The following ATP2A3 variants were observed in gnomAD, a reference collection of about 807,000 sequenced individuals.
ATP2A3 encodes the protein sarcoplasmic/endoplasmic reticulum calcium ATPase 3.
In ATP2A3, 61 loss-of-function variants were observed where a neutral mutation model predicts 106.8. The ratio of observed to expected loss-of-function variants is 0.57; its 90% CI spans 0.46 to 0.71. ATP2A3 has a LOEUF of 0.71. Among genes scored for constraint, ATP2A3 ranks in the 30% least tolerant of loss-of-function variants. The probability of loss-of-function intolerance (pLI) is 0.00; values close to 1 mark genes in which losing one functional copy is unlikely to be tolerated. For missense variants in ATP2A3, 1,201 were observed against 1,423.5 expected (o/e 0.84, Z 2.52); for synonymous variants, 611 against 609.3 (o/e 1.00, Z -0.04).
intron 1 of ATP2A3, among the ~76,000 whole-genome samples, chr17:3,957,053 C>T (rs1039324919): frequency 5.3e-5 from 8 of 152,192 alleles, no homozygotes; most frequent in South Asian, 2.1e-4. Context: ...GGTGCCTTAC[C>T]GCATTATCAC....
In ATP2A3 at chr17:3,941,187, G is replaced by A. The variant is rs1266052855; in HGVS notation, c.1884C>T (p.Asn628=). The change falls in exon 14 of 21, where the codon AAC becomes AAT. Residue 628 remains asparagine, a synonymous_variant. Transcript: ENST00000397041. ...GGCAGATGGCCACGGCAGTGCCTTTGTTATCCCCCGTGATCATGACCACGC... is the reference window on the plus strand; with the variant it reads ...GGCAGATGGCCACGGCAGTGCCTTTATTATCCCCCGTGATCATGACCACGC... ...GIRVVMITGD[N]KGTAVAICRR... The A allele has an allele frequency of 6.2e-7, 1 of 1,614,156 alleles. No individual in the cohort carries two copies. The highest frequency in any genetic ancestry group is 1.7e-5 in the Admixed American group (1 of 60,028).
rs545488899 is a variant in ATP2A3 at position 3,935,101 on chromosome 17, G to C, written c.2610+91C>G. ...ATAGCGAGTGGGGAAGGACACTGCA[G>C]GCCACCCATGCGGCTCTAGACCCAT... On this transcript the variant is annotated intron_variant, in intron 17 of 20. Transcript: ENST00000397041. The C allele has an allele frequency of 1.0e-4, 139 of 1,336,534 alleles. No homozygotes were observed. In the African/African-American group the frequency reaches 1.8e-3, roughly 17 times the overall value. The allele number at this position is 1,336,534 out of a possible 1,614,324, so 82.8% of individuals were successfully genotyped here. A position where few individuals can be genotyped will look rare whatever the true frequency, so the allele number is the denominator to read the frequency against.
chr17:3,944,680 G>T, intron 10 of ATP2A3, 24 bp downstream of exon 10: 1 of 1,607,778 alleles, frequency 6.2e-7, no homozygotes, highest in Non-Finnish European at 8.5e-7. Flanking sequence ...TACTAGGGAG[G>T]TCATGAAAGG....
At position 3,929,451 on chromosome 17, in the gene ATP2A3, A is replaced by G; in HGVS notation, c.2745-6T>C. On this transcript the variant is annotated splice_polypyrimidine_tract_variant and splice_region_variant and intron_variant, in intron 18 of 20. Transcript: ENST00000397041. The surrounding 1 kb of genome is among the most constrained non-coding windows in gnomAD (Gnocchi z 4.3). The stretch of plus-strand genomic sequence containing the variant: ...GCGACTGGTTCTCCGAGACGCTGCC[A>G]GGGCACAGGGTGCTCCCCTTAGGCC... 1 of 1,587,594 alleles carries G rather than the reference A, an allele frequency of 6.3e-7. No individual in the cohort carries two copies. Among genetic ancestry groups the G allele is most frequent in the Middle Eastern group, 2.0e-4 (1 of 4,980 alleles).
intron 16 of ATP2A3, among the ~76,000 whole-genome samples, chr17:3,935,489 G>A (rs2053387075): frequency 6.6e-6 from 1 of 151,670 alleles, no homozygotes; most frequent in South Asian, 2.1e-4. Flanking sequence ...GCTTGGAGAT[G>A]AGCAGGTGAA....
chr17:3,940,224 A>G (rs1299998615), intron 14 of ATP2A3, among the ~76,000 whole-genome samples: 2 of 151,998 alleles, frequency 1.3e-5, no homozygotes, highest in African/African-American at 4.8e-5. Flanking sequence ...CTCATCAGAT[A>G]GTACGCCAAA....
chr17:3,950,840 G>A, intron 5 of ATP2A3, 67 bp from the exon 6 acceptor site: 2 of 1,512,244 alleles, frequency 1.3e-6, no homozygotes, highest in Non-Finnish European at 1.8e-6. Flanking sequence ...AGCCAGAAGG[G>A]TTCCCAGAAC....
Position 3,936,715 on chromosome 17 carries a change from G to A in ATP2A3, c.2322-246C>T, listed in dbSNP as rs1352770276. On this transcript the variant is annotated intron_variant, in intron 15 of 20. Coordinates refer to ENST00000397041, the MANE Select transcript of ATP2A3 (RefSeq NM_005173.4). This position sits in a 1 kb window ranked among gnomAD's most constrained non-coding sequence, Gnocchi z 5.4. Reference sequence around the variant, plus strand: ...TACCTGCTCTTTAGGCCTAGCAGAGGCCAAGTACACACACACACACACACA... The same window carrying A: ...TACCTGCTCTTTAGGCCTAGCAGAGACCAAGTACACACACACACACACACA... 1.6e-5 allele frequency: 8 copies of A among 505,408 alleles called. No homozygotes were observed. The highest frequency in any genetic ancestry group is 2.9e-5 in the Non-Finnish European group (8 of 279,358). The allele number at this position is 505,408 out of a possible 1,614,324, so 31.3% of individuals were successfully genotyped here. A position where few individuals can be genotyped will look rare whatever the true frequency, so the allele number is the denominator to read the frequency against.
intron 3 of ATP2A3, among the ~76,000 whole-genome samples, chr17:3,952,561 C>A (rs913556781): frequency 6.6e-6 from 1 of 152,036 alleles, no homozygotes; most frequent in African/African-American, 2.4e-5. Context: ...GGACAAGGTG[C>A]CCCCCAGGGG....
chr17:3,957,784 G>T (rs765832201), intron 1 of ATP2A3, among the ~76,000 whole-genome samples: 49 of 152,232 alleles, frequency 3.2e-4, no homozygotes, highest in Non-Finnish European at 6.5e-4. Flanking sequence ...TGGGCCTCTG[G>T]CAGTGCCAGA....
In ATP2A3 at chr17:3,955,942, C is replaced by T. The variant is rs557104201; in HGVS notation, c.119-2232G>A. ...TCTCGCCCAGGCTGGAGCGCAGTGG[C>T]GGGATCTTGGCTTACTGCAACCTCC... On this transcript the variant is annotated intron_variant, in intron 1 of 20. Coordinates refer to ENST00000397041, the MANE Select transcript of ATP2A3 (RefSeq NM_005173.4). The surrounding 1 kb of genome is among the most constrained non-coding windows in gnomAD (Gnocchi z 4.2). Among the ~76,000 whole-genome samples, 1 of 151,588 alleles carries T rather than the reference C, an allele frequency of 6.6e-6. No individual in the cohort carries two copies. Among genetic ancestry groups the T allele is most frequent in the African/African-American group, 2.4e-5 (1 of 41,242 alleles).
At chr17:3,938,892 G>A (rs1431718381) in intron 14 of ATP2A3, among the ~76,000 whole-genome samples, 4 of 152,200 alleles carry the variant, frequency 2.6e-5, no homozygotes, top group Admixed American at 2.6e-4. Context: ...GTCGGGCTGG[G>A]TGTGGTGGCC....
At position 3,930,554 on chromosome 17, in the gene ATP2A3, C is replaced by G; in HGVS notation, c.2611-120G>C. On this transcript the variant is annotated intron_variant, in intron 17 of 20. Coordinates refer to ENST00000397041, the MANE Select transcript of ATP2A3 (RefSeq NM_005173.4). This position sits in a 1 kb window ranked among gnomAD's most constrained non-coding sequence, Gnocchi z 5.4. Reference sequence around the variant, plus strand: ...CTGGGCACAACCAGCACACAAAACACTGCCGTGGGGTGGGCTGGGGATCCC... The same window carrying G: ...CTGGGCACAACCAGCACACAAAACAGTGCCGTGGGGTGGGCTGGGGATCCC... The G allele has an allele frequency of 7.6e-7, 1 of 1,314,416 alleles. No individual in the cohort carries two copies. The highest frequency in any genetic ancestry group is 1.0e-6 in the Non-Finnish European group (1 of 971,898). The allele number at this position is 1,314,416 out of a possible 1,614,324, so 81.4% of individuals were successfully genotyped here.
At chr17:3,935,149 C>CTGTTGAACTCAACAGCCTGTT in intron 17 of ATP2A3, 43 bp downstream of exon 17, 2 of 1,601,048 alleles carry the variant, frequency 1.2e-6, no homozygotes, top group Non-Finnish European at 1.7e-6. Context: ...TCCAACAACT[C>CTGTTGAACTCAACAGCCTGTT]GAGCTGTAAG....
intron 7 of ATP2A3, among the ~76,000 whole-genome samples, chr17:3,949,441 C>T (rs953843761): frequency 1.3e-5 from 2 of 152,224 alleles, no homozygotes; most frequent in Admixed American, 6.5e-5. Context: ...GTTTTCCTGT[C>T]GGAGAATGGA....
At position 3,930,404 on chromosome 17, in the gene ATP2A3, G is replaced by C; in HGVS notation, c.2641C>G (p.Pro881Ala). The C allele has an allele frequency of 6.2e-7, 1 of 1,614,004 alleles. No individual in the cohort carries two copies. The highest frequency in any genetic ancestry group is 1.1e-5 in the South Asian group (1 of 91,062). Residue 881 changes from proline to alanine, a missense_variant, in exon 18 of 21, where the codon CCG (proline) becomes GCG (alanine). Coordinates refer to ENST00000397041, the MANE Select transcript of ATP2A3 (RefSeq NM_005173.4). This position sits in a 1 kb window ranked among gnomAD's most constrained non-coding sequence, Gnocchi z 5.4. ...RNFLKCSEDN[P>A]LFAGIDCEVF... The stretch of plus-strand genomic sequence containing the variant: ...TCACAGTCGATGCCGGCAAAGAGCG[G>C]GTTGTCTTCGGAGCACTTCAGGAAG...
chr17:3,958,290 CAG>C (rs554998335), intron 1 of ATP2A3, among the ~76,000 whole-genome samples: 1 of 152,200 alleles, frequency 6.6e-6, no homozygotes, highest in Non-Finnish European at 1.5e-5. Flanking sequence ...ACGCTCCAGC[CAG>C]AATCACTTGC....
At chr17:3,931,356 CACAGAA>C (rs2053072217) in intron 17 of ATP2A3, among the ~76,000 whole-genome samples, 1 of 151,988 alleles carries the variant, frequency 6.6e-6, no homozygotes, top group Non-Finnish European at 1.5e-5. Context: ...AAACCTTGTT[CACAGAA>C]TCGTGCTAAG....
rs538791791 is a variant in ATP2A3, at chr17:3,953,507, C to A, written c.137-78G>T. 6.5e-7 allele frequency: 1 copy of A among 1,539,980 alleles called. No individual in the cohort carries two copies. The highest frequency in any genetic ancestry group is 1.7e-5 in the Admixed American group (1 of 58,950). On this transcript the variant is annotated intron_variant, in intron 2 of 20. Transcript: ENST00000397041. This position sits in a 1 kb window ranked among gnomAD's most constrained non-coding sequence, Gnocchi z 5.1. ...CTCAGAGCTGGGATGGCCCGGGAGA[C>A]CTCCCGGCCCATTCCCTCCCTGCAC... is the stretch of plus-strand genomic sequence containing the variant.
Sources: allele counts gnomAD v4.1 joint callset (sites outside exome capture counted in the v4.1 genomes callset), GRCh38; gene constraint gnomAD v4.1.1; non-coding constraint Gnocchi (gnomAD v3.1); transcripts MANE v1.5; gene names NCBI Gene and HGNC (gene_info 2026-07-23, HGNC 2026-07-21).